Variants in CEP68 observed in about 807,000 individuals in gnomAD.
CEP68 encodes centrosomal protein of 68 kDa.
Under a neutral mutation model 55.3 loss-of-function variants are expected in CEP68, and 26 were observed. The observed-to-expected ratio is 0.47, with a 90% CI of 0.34 to 0.65. The LOEUF is 0.65. CEP68 is among the 30% of genes least tolerant of loss of function. The probability of loss-of-function intolerance (pLI) is 0.01; values close to 1 mark genes in which losing one functional copy is unlikely to be tolerated. For missense variants in CEP68, 957 were observed against 946.7 expected (o/e 1.01, Z -0.14); for synonymous variants, 402 against 383.2 (o/e 1.05, Z -0.57).
intron 1 of CEP68, among the ~76,000 whole-genome samples, chr2:65,066,643 C>T (rs537888168): frequency 1.4e-5 from 2 of 145,856 alleles, no homozygotes; most frequent in Non-Finnish European, 3.0e-5. Context: ...CAGAGAATTG[C>T]TTGAACCCAG....
At position 65,085,357 on chromosome 2, in the gene CEP68, C is replaced by A. The variant is rs1216745759; in HGVS notation, c.*1723C>A. 1 of 152,170 alleles carries A rather than the reference C, an allele frequency of 6.6e-6. No homozygotes were observed. The highest frequency in any genetic ancestry group is 2.4e-5 in the African/African-American group (1 of 41,448). The allele number at this position is 152,170 out of a possible 1,614,324, so 9.4% of individuals were successfully genotyped here. ...TACCCTGTTTCCCAAGAAAGTACTA[C>A]CTTACCTAGAGATGATCTAAGATAT... On this transcript the variant is annotated 3_prime_UTR_variant, in exon 7 of 7. Coordinates refer to ENST00000377990, the MANE Select transcript of CEP68 (RefSeq NM_015147.3).
At position 65,071,734 on chromosome 2, in the gene CEP68, G is replaced by A. The variant is rs1374397579; in HGVS notation, c.638G>A (p.Arg213Lys). 6.2e-7 allele frequency: 1 copy of A among 1,613,980 alleles called. No homozygotes were observed. Among genetic ancestry groups the A allele is most frequent in the Non-Finnish European group, 8.5e-7 (1 of 1,179,980 alleles). Residue 213 changes from arginine (R) to lysine (K), a missense_variant, in exon 3 of 7, where the codon AGG (arginine) becomes AAG (lysine). Arg to Lys is a conservative substitution (Grantham distance 26). Coordinates refer to ENST00000377990, the MANE Select transcript of CEP68 (RefSeq NM_015147.3). The part of the protein sequence containing the change: ...TGSSLQGHQE[R>K]AEPRGGSLAK... ...AGCAGTCTCCAGGGTCACCAGGAGA[G>A]GGCGGAGCCTCGTGGTGGTTCTCTG...
rs757743857 is a variant in CEP68, at chr2:65,069,430, A to G, written c.-15A>G. 2 of 1,499,174 alleles carry G rather than the reference A, an allele frequency of 1.3e-6. No homozygotes were observed. The highest frequency in any genetic ancestry group is 4.6e-5 in the East Asian group (2 of 43,774). 92.9% of individuals were successfully genotyped at this position (1,499,174 alleles called of 1,614,324 possible). A position where few individuals can be genotyped will look rare whatever the true frequency, so the allele number is the denominator to read the frequency against. ...GAAGTCTTCAGCAGAACCCTGACCT[A>G]GGTAGGGAGTCTCAATGGCCCTGGG... On this transcript the variant is annotated 5_prime_UTR_variant, in exon 2 of 7. Coordinates refer to ENST00000377990, the MANE Select transcript of CEP68 (RefSeq NM_015147.3).
chr2:65,072,256 G>T lies in CEP68; in HGVS notation c.1160G>T (p.Gly387Val). The T allele has an allele frequency of 6.2e-7, 1 of 1,614,122 alleles. No individual in the cohort carries two copies. The highest frequency in any genetic ancestry group is 8.5e-7 in the Non-Finnish European group (1 of 1,180,018). Residue 387 changes from glycine (G) to valine (V), a missense_variant, in exon 3 of 7, where the codon GGT becomes GTT. Coordinates refer to ENST00000377990, the MANE Select transcript of CEP68 (RefSeq NM_015147.3). ...QWPSRVPQKQGGMGLASWSQL... is the reference protein window; with the variant it reads ...QWPSRVPQKQVGMGLASWSQL... ...CCCTCCAGAGTACCCCAGAAACAGG[G>T]TGGCATGGGCTTGGCATCTTGGAGC...
Position 65,074,420 on chromosome 2 carries a change from G to T in CEP68, c.2007+16G>T. ...GCTTTACCGGGTAATATGCGGTCCT[G>T]GCTCTGGCTTGTTCCCTCACAAGAG... On this transcript the variant is annotated intron_variant, in intron 4 of 6. Transcript: ENST00000377990. The T allele has an allele frequency of 1.2e-6, 2 of 1,614,062 alleles. No individual in the cohort carries two copies. Among genetic ancestry groups the T allele is most frequent in the Non-Finnish European group, 1.7e-6 (2 of 1,179,946 alleles).
At chr2:65,066,424 G>A (rs75678687) in intron 1 of CEP68, among the ~76,000 whole-genome samples, 33,168 of 149,856 alleles carry the variant, frequency 0.22, 3,827 homozygotes, top group East Asian at 0.33. Context: ...GCGAAACCCC[G>A]TCTCTATTAA....
At chr2:65,062,272 G>A (rs989311974) in intron 1 of CEP68, among the ~76,000 whole-genome samples, 2 of 152,192 alleles carry the variant, frequency 1.3e-5, no homozygotes, top group African/African-American at 2.4e-5. Flanking sequence ...GGTGACTCCC[G>A]CCTGTAAGCC....
intron 1 of CEP68, among the ~76,000 whole-genome samples, chr2:65,060,289 A>G (rs1382767616): frequency 2.0e-5 from 3 of 152,220 alleles, no homozygotes; most frequent in Non-Finnish European, 4.4e-5. Context: ...GAATGGAGAC[A>G]GCTGTTTCTG....
chr2:65,081,447 T>C (rs1541576), intron 5 of CEP68, among the ~76,000 whole-genome samples: 122,928 of 151,610 alleles, frequency 0.81, 50,994 homozygotes, highest in East Asian at 1. Context: ...ATAAGCTTCC[T>C]CTTTCCCTTC....
chr2:65,078,820 A>G (rs1377421815), intron 5 of CEP68, among the ~76,000 whole-genome samples: 1 of 152,248 alleles, frequency 6.6e-6, no homozygotes, highest in African/African-American at 2.4e-5. Flanking sequence ...CTGGGATTAC[A>G]GGCGTGAGCC....
chr2:65,070,225 C>G (rs2723085), intron 2 of CEP68, among the ~76,000 whole-genome samples: 49,551 of 151,958 alleles, frequency 0.33, 8,293 homozygotes, highest in Middle Eastern at 0.45. Context: ...CTCTTCAGAC[C>G]CAAGGGACAT....
rs1668966834 is a variant in CEP68, at chr2:65,084,430, T to G, written c.*796T>G. 6.6e-6 allele frequency: 1 copy of G among 151,586 alleles called. No homozygotes were observed. Among genetic ancestry groups the G allele is most frequent in the Admixed American group, 6.6e-5 (1 of 15,210 alleles). The allele number at this position is 151,586 out of a possible 1,614,324, so 9.4% of individuals were successfully genotyped here. On this transcript the variant is annotated 3_prime_UTR_variant, in exon 7 of 7. Transcript: ENST00000377990. Reference sequence around the variant, plus strand: ...GGCTCAGGGAAGGGAACGGATAGGATGACACAGTAAGTACAGAAACTGAAG... The same window carrying G: ...GGCTCAGGGAAGGGAACGGATAGGAGGACACAGTAAGTACAGAAACTGAAG...
In CEP68 at chr2:65,072,524, G is replaced by A. The variant is rs1676536167; in HGVS notation, c.1428G>A (p.Val476=). The A allele has an allele frequency of 6.2e-7, 1 of 1,614,114 alleles. No individual in the cohort carries two copies. The highest frequency in any genetic ancestry group is 1.1e-5 in the South Asian group (1 of 91,080). The change falls in exon 3 of 7, where the codon GTG becomes GTA. Residue 476 remains valine, a synonymous_variant. Coordinates refer to ENST00000377990, the MANE Select transcript of CEP68 (RefSeq NM_015147.3). The stretch of plus-strand genomic sequence containing the variant: ...CTAGGTGGAAATCAGAAGAGGAAGT[G>A]GAAAGTGATGACGAGTATCTTGCCC... ...TESRWKSEEE[V]ESDDEYLALP... is the part of the protein sequence containing the mutation.
At chr2:65,080,412 G>T (rs1017057201) in intron 5 of CEP68, 9 of 985,140 alleles carry the variant, frequency 9.1e-6, no homozygotes, top group Admixed American at 6.2e-5. Context: ...CTTTTCTTCC[G>T]CCAGGAGCAT....
chr2:65,079,856 G>C (rs1345423308), intron 5 of CEP68, among the ~76,000 whole-genome samples: 2 of 152,216 alleles, frequency 1.3e-5, no homozygotes, highest in Non-Finnish European at 2.9e-5. Context: ...CCTCTAGTCC[G>C]GACACGGTGG....
chr2:65,067,059 A>G (rs974654544), intron 1 of CEP68, among the ~76,000 whole-genome samples: 1 of 151,790 alleles, frequency 6.6e-6, no homozygotes, highest in Non-Finnish European at 1.5e-5. Context: ...TGACCTATAC[A>G]GTTTGCTACT....
At chr2:65,082,762 T>A in intron 6 of CEP68, 53 bp downstream of exon 6, 1 of 1,422,268 alleles carries the variant, frequency 7.0e-7, no homozygotes, top group East Asian at 2.5e-5. Context: ...GCTGTAACAG[T>A]TGGCCACTAC....
intron 1 of CEP68, among the ~76,000 whole-genome samples, chr2:65,058,493 T>C (rs1216297601): frequency 7.1e-6 from 1 of 141,328 alleles, no homozygotes; most frequent in Non-Finnish European, 1.5e-5. Context: ...GGCTGATTTT[T>C]TTCCTTTTTT....
chr2:65,078,685 G>T (rs1191055542), intron 5 of CEP68, among the ~76,000 whole-genome samples: 1 of 152,162 alleles, frequency 6.6e-6, no homozygotes, highest in Non-Finnish European at 1.5e-5. Context: ...GGGATTACAG[G>T]CATGCGCCAC....
Sources: gnomAD v4.1 joint callset for allele counts (sites outside exome capture counted in the v4.1 genomes callset) on GRCh38, gnomAD v4.1.1 for gene constraint, MANE v1.5 for transcripts, NCBI Gene and HGNC (gene_info 2026-07-23, HGNC 2026-07-21) for gene names.